Variants in ALDH9A1 observed in about 807,000 individuals in gnomAD.
ALDH9A1 encodes aldehyde dehydrogenase 9 family member A1.
ALDH9A1 carries 42 observed loss-of-function variants against 56.6 expected under a neutral mutation model. The observed-to-expected ratio is 0.74, with a 90% CI of 0.58 to 0.96. The LOEUF is 0.96. ALDH9A1 is among the 40% of genes least tolerant of loss of function. The pLI, the probability that ALDH9A1 is intolerant of heterozygous loss-of-function variation, is 0.00. For missense variants in ALDH9A1, 661 were observed against 651.5 expected (o/e 1.01, Z -0.16); for synonymous variants, 242 against 236.0 (o/e 1.03, Z -0.23).
intron 2 of ALDH9A1, 36 bp from the exon 3 acceptor site, chr1:165,683,146 T>C (rs376984654): frequency 6.2e-6 from 10 of 1,606,762 alleles, no homozygotes; most frequent in East Asian, 2.2e-5. Flanking sequence ...TTAAGACATA[T>C]TCCAATATGT....
intron 2 of ALDH9A1, among the ~76,000 whole-genome samples, chr1:165,687,382 A>C (rs1649745188): frequency 6.6e-6 from 1 of 152,176 alleles, no homozygotes; most frequent in South Asian, 2.1e-4. Context: ...AACCTCAGGA[A>C]AAATACATAT....
At chr1:165,689,270 T>C (rs556071792) in intron 2 of ALDH9A1, among the ~76,000 whole-genome samples, 1 of 152,328 alleles carries the variant, frequency 6.6e-6, no homozygotes, top group East Asian at 1.9e-4. Flanking sequence ...CAAAGGACAC[T>C]GACGAGTTGA....
In ALDH9A1 at chr1:165,679,429, G is replaced by C. The variant is rs759688639; in HGVS notation, c.930+13C>G. ...AGATTCCTTTTACACCTCTTCCAGG[G>C]ACAGGTACATACCTGGCCTTGTGTG... is the stretch of plus-strand genomic sequence containing the variant. On this transcript the variant is annotated intron_variant, in intron 6 of 10. Transcript: ENST00000354775. 3.1e-6 allele frequency: 5 copies of C among 1,613,678 alleles called. No individual in the cohort carries two copies. Among genetic ancestry groups the C allele is most frequent in the Non-Finnish European group, 4.2e-6 (5 of 1,179,794 alleles).
intron 6 of ALDH9A1, chr1:165,676,609 A>C (rs1454793034): frequency 1.3e-5 from 4 of 311,822 alleles, no homozygotes; most frequent in Admixed American, 8.5e-5. Context: ...CTAAGACCCA[A>C]GATAGCTTCT....
intron 6 of ALDH9A1, among the ~76,000 whole-genome samples, chr1:165,673,731 T>C (rs1345263434): frequency 1.3e-5 from 2 of 152,170 alleles, no homozygotes; most frequent in Non-Finnish European, 2.9e-5. Flanking sequence ...ATTGCCCCTA[T>C]TCAGCATGAA....
intron 5 of ALDH9A1, 28 bp from the exon 6 acceptor site, chr1:165,679,610 A>G: frequency 6.2e-7 from 1 of 1,613,746 alleles, no homozygotes; most frequent in Non-Finnish European, 8.5e-7. Context: ...AGGTATTCAG[A>G]ACTTTAACAC....
intron 9 of ALDH9A1, among the ~76,000 whole-genome samples, chr1:165,666,974 A>G (rs1246369110): frequency 6.6e-6 from 1 of 152,244 alleles, no homozygotes; most frequent in Non-Finnish European, 1.5e-5. Flanking sequence ...ATGTTTTTGA[A>G]GAATACTGCC....
intron 6 of ALDH9A1, among the ~76,000 whole-genome samples, chr1:165,672,123 A>G (rs1649196211): frequency 6.6e-6 from 1 of 152,216 alleles, no homozygotes; most frequent in Non-Finnish European, 1.5e-5. Flanking sequence ...TATATACCCA[A>G]AAGAACTGAA....
At chr1:165,682,262 A>C (rs556696089) in intron 3 of ALDH9A1, 21 bp from the exon 4 acceptor site, 2 of 1,611,224 alleles carry the variant, frequency 1.2e-6, no homozygotes, top group South Asian at 2.2e-5. Context: ...AACAGGAGTA[A>C]AGGAGGATGC....
rs189609984 is a variant in ALDH9A1, at chr1:165,683,250, A to G, written c.328-140T>C. Reference sequence around the variant, plus strand: ...AAATGAAAAGAAATGGCAGTGTTACATTTAGAAGAGAGATAAAGGCTTATA... The same window carrying G: ...AAATGAAAAGAAATGGCAGTGTTACGTTTAGAAGAGAGATAAAGGCTTATA... On this transcript the variant is annotated intron_variant, in intron 2 of 10. Transcript: ENST00000354775. 7.1e-4 allele frequency: 653 copies of G among 919,148 alleles called. 5 individuals carry two copies. The highest frequency in any genetic ancestry group is 2.6e-4 in the Non-Finnish European group (156 of 602,446). 56.9% of individuals were successfully genotyped at this position (919,148 alleles called of 1,614,324 possible).
intron 2 of ALDH9A1, among the ~76,000 whole-genome samples, chr1:165,693,613 G>T (rs914395847): frequency 6.6e-5 from 10 of 152,200 alleles, no homozygotes; most frequent in Non-Finnish European, 1.3e-4. Flanking sequence ...TTACACTGTT[G>T]GTGGGACTGT....
intron 1 of ALDH9A1, among the ~76,000 whole-genome samples, chr1:165,696,796 G>GA (rs1650101491): frequency 6.6e-6 from 1 of 152,202 alleles, no homozygotes; most frequent in South Asian, 2.1e-4. Context: ...TTACAAACTT[G>GA]AATAGCCAGC....
chr1:165,695,141 C>A, intron 2 of ALDH9A1, 111 bp downstream of exon 2: 2 of 1,254,062 alleles, frequency 1.6e-6, no homozygotes, highest in Admixed American at 2.7e-5. Flanking sequence ...AATGTTTTTC[C>A]ATTTTATAAA....
chr1:165,696,295 G>C (rs1355935559), intron 1 of ALDH9A1, among the ~76,000 whole-genome samples: 2 of 152,168 alleles, frequency 1.3e-5, no homozygotes, highest in Non-Finnish European at 2.9e-5. Context: ...CAAGGATTTA[G>C]AGTTAAGAAC....
intron 3 of ALDH9A1, among the ~76,000 whole-genome samples, chr1:165,682,530 A>C (rs1649584444): frequency 6.6e-6 from 1 of 152,230 alleles, no homozygotes; most frequent in Non-Finnish European, 1.5e-5. Context: ...AGCTTAGATG[A>C]AACAAAATGG....
chr1:165,682,587 C>A (rs571382989), intron 3 of ALDH9A1, among the ~76,000 whole-genome samples: 1 of 152,184 alleles, frequency 6.6e-6, no homozygotes, highest in East Asian at 1.9e-4. Flanking sequence ...AAGTTCCTTG[C>A]AACCTTCCTA....
chr1:165,683,302 C>A (rs538761465), intron 2 of ALDH9A1, among the ~76,000 whole-genome samples, 192 bp from the exon 3 acceptor site: 1 of 85,760 alleles, frequency 1.2e-5, no homozygotes, highest in South Asian at 4.2e-4. Context: ...GTTCTTCCCT[C>A]GTTAATTAAT....
rs533676543 is a variant in ALDH9A1, at chr1:165,682,002, G to A, written c.592+105C>T. The A allele has an allele frequency of 1.1e-4, 168 of 1,464,538 alleles. No individual in the cohort carries two copies. The African/African-American group carries it at 1.2e-3, about 11-fold the overall frequency. The allele number at this position is 1,464,538 out of a possible 1,614,324, so 90.7% of individuals were successfully genotyped here. The stretch of plus-strand genomic sequence containing the variant: ...GAATATCCCAGAGCAGGCCCCTTCC[G>A]ATTTAAAGTGTGTGTTTATAGAGAG... On this transcript the variant is annotated intron_variant, in intron 4 of 10. Coordinates refer to ENST00000354775, the MANE Select transcript of ALDH9A1 (RefSeq NM_000696.4).
intron 2 of ALDH9A1, among the ~76,000 whole-genome samples, chr1:165,694,306 A>T (rs1359042498): frequency 1.3e-5 from 2 of 152,016 alleles, no homozygotes; most frequent in Non-Finnish European, 1.5e-5. Flanking sequence ...AAACAAAAGA[A>T]ACCTTTTGTT....
Sources: gnomAD v4.1 joint callset for allele counts (sites outside exome capture counted in the v4.1 genomes callset) on GRCh38, gnomAD v4.1.1 for gene constraint, MANE v1.5 for transcripts, NCBI Gene and HGNC (gene_info 2026-07-23, HGNC 2026-07-21) for gene names.